The following XIRP2 variants were observed in gnomAD, a reference collection of about 807,000 sequenced individuals.
XIRP2 encodes xin actin binding repeat containing 2.
In XIRP2, 236 loss-of-function variants were observed where a neutral mutation model predicts 277.0. The observed-to-expected ratio is 0.85, with a 90% CI of 0.77 to 0.95. XIRP2 has a LOEUF of 0.95. XIRP2 is among the 40% of genes least tolerant of loss of function. XIRP2 has a pLI of 0.00. For missense variants in XIRP2, 4,640 were observed against 4,157.5 expected (o/e 1.12, Z -3.19); for synonymous variants, 1,490 against 1,416.5 (o/e 1.05, Z -1.17).
At position 167,037,989 on chromosome 2, in the gene XIRP2, C is replaced by T. The variant is rs201351927; in HGVS notation, c.409-97920C>T. On this transcript the variant is annotated intron_variant, in intron 2 of 10. Coordinates refer to ENST00000409195, the MANE Select transcript of XIRP2 (RefSeq NM_152381.6). ...GAAAAAAGGCAAGAAAAGTTAAATTCGAATAGTACTAAATGAAAGCTAAAG... is the reference window on the plus strand; with the variant it reads ...GAAAAAAGGCAAGAAAAGTTAAATTTGAATAGTACTAAATGAAAGCTAAAG... Among the ~76,000 whole-genome samples, 97 of 151,780 alleles carry T rather than the reference C, an allele frequency of 6.4e-4. No homozygotes were observed. The East Asian group carries it at 0.014, about 22-fold the overall frequency.
chr2:166,974,508 C>CAT (rs913907366), intron 2 of XIRP2, among the ~76,000 whole-genome samples: 11 of 151,606 alleles, frequency 7.3e-5, no homozygotes, highest in South Asian at 2.1e-4. Context: ...CACATATATA[C>CAT]ATATATATAT....
intron 2 of XIRP2, among the ~76,000 whole-genome samples, chr2:167,118,861 G>T (rs75002149): frequency 0.04 from 6,143 of 152,240 alleles, 167 homozygotes; most frequent in South Asian, 0.082. Flanking sequence ...TATCCATACT[G>T]AAAAAGGACT....
intron 3 of XIRP2, among the ~76,000 whole-genome samples, chr2:167,206,187 G>C (rs550313283): frequency 6.6e-6 from 1 of 152,124 alleles, no homozygotes; most frequent in East Asian, 1.9e-4. Context: ...CCAATGTGTT[G>C]GTATGTTTAA....
intron 2 of XIRP2, among the ~76,000 whole-genome samples, chr2:167,097,711 TG>T (rs1558979301): frequency 2.0e-5 from 3 of 152,240 alleles, no homozygotes; most frequent in African/African-American, 7.2e-5. Flanking sequence ...TTTCCATATT[TG>T]TTGCTTCCTT....
chr2:167,187,332 G>C, intron 3 of XIRP2: 1 of 985,258 alleles, frequency 1.0e-6, no homozygotes, highest in Non-Finnish European at 1.2e-6. Flanking sequence ...TCCTTTAGAC[G>C]CTCTGCTAAA....
intron 2 of XIRP2, among the ~76,000 whole-genome samples, chr2:167,063,679 T>G (rs1186645596): frequency 1.3e-5 from 2 of 151,892 alleles, no homozygotes; most frequent in Non-Finnish European, 2.9e-5. Flanking sequence ...ATATAATGTT[T>G]CACTTTACCC....
intron 2 of XIRP2, among the ~76,000 whole-genome samples, chr2:167,098,166 C>T (rs1457270001): frequency 6.6e-6 from 1 of 152,204 alleles, no homozygotes; most frequent in Non-Finnish European, 1.5e-5. Flanking sequence ...CCATTCTTCC[C>T]ATCACTTTCA....
intron 2 of XIRP2, among the ~76,000 whole-genome samples, chr2:167,069,009 T>TAA (rs1018729748): frequency 2.6e-5 from 4 of 152,172 alleles, no homozygotes; most frequent in Non-Finnish European, 4.4e-5. Flanking sequence ...AGTTGGCAGT[T>TAA]ATAGTTGTCC....
intron 2 of XIRP2, among the ~76,000 whole-genome samples, chr2:166,960,064 A>T (rs1686262880): frequency 6.6e-6 from 1 of 151,776 alleles, no homozygotes; most frequent in African/African-American, 2.4e-5. Context: ...CCGTAGCTAA[A>T]CTTACTATTT....
At chr2:167,102,221 T>C (rs930150085) in intron 2 of XIRP2, among the ~76,000 whole-genome samples, 1 of 152,172 alleles carries the variant, frequency 6.6e-6, no homozygotes, top group African/African-American at 2.4e-5. Context: ...AGAAACAGCA[T>C]TGTTAGAATC....
intron 2 of XIRP2, among the ~76,000 whole-genome samples, chr2:167,107,107 GT>G (rs1690637995): frequency 6.6e-6 from 1 of 151,690 alleles, no homozygotes; most frequent in Non-Finnish European, 1.5e-5. Context: ...AATTGGAAGA[GT>G]TTTATTCTTT....
At chr2:166,939,192 G>T (rs1000294334) in intron 2 of XIRP2, among the ~76,000 whole-genome samples, 1 of 152,122 alleles carries the variant, frequency 6.6e-6, no homozygotes, top group Non-Finnish European at 1.5e-5. Flanking sequence ...AGCATCGATG[G>T]TCTTTACAAT....
At chr2:167,052,960 G>A (rs1049185008) in intron 2 of XIRP2, among the ~76,000 whole-genome samples, 5 of 152,162 alleles carry the variant, frequency 3.3e-5, no homozygotes, top group African/African-American at 1.2e-4. Context: ...CTTTCTGTTG[G>A]TAATGCCTTG....
At position 167,029,880 on chromosome 2, in the gene XIRP2, A is replaced by G. The variant is rs534158153; in HGVS notation, c.409-106029A>G. Among the ~76,000 whole-genome samples the G allele has an allele frequency of 6.8e-4, 103 of 152,208 alleles. 1 individual carries two copies. Among genetic ancestry groups the G allele is most frequent in the African/African-American group, 2.4e-3 (101 of 41,542 alleles). On this transcript the variant is annotated intron_variant, in intron 2 of 10. Transcript: ENST00000409195. ...GGCTATTAATTACTGCCTCAATTTC[A>G]GGACTTGTTATTCATCAGTTCAGGG...
At chr2:167,181,300 T>C (rs1300778771) in intron 3 of XIRP2, among the ~76,000 whole-genome samples, 5 of 152,140 alleles carry the variant, frequency 3.3e-5, no homozygotes, top group Non-Finnish European at 4.4e-5. Flanking sequence ...CTCTATTATT[T>C]GGGGAAACTA....
rs765113725 is a variant in XIRP2 at position 167,246,502 on chromosome 2, G to T, written c.5110G>T (p.Glu1704Ter). 2 of 1,613,652 alleles carry T rather than the reference G, an allele frequency of 1.2e-6. No individual in the cohort carries two copies. The highest frequency in any genetic ancestry group is 3.3e-5 in the Admixed American group (2 of 59,962). The change falls in exon 9 of 11, where the codon GAG becomes TAG. Residue 1704 changes from glutamate (E) to a stop codon, truncating the protein, a stop_gained. Coordinates refer to ENST00000409195, the MANE Select transcript of XIRP2 (RefSeq NM_152381.6). LOFTEE classifies it high-confidence loss of function. ...TCATGAAAATGATGGTGACACAATT[G>T]AGCGTGAAGAAGTAATAGGTGGTGA... ...LLHENDGDTI[E>*]REEVIGGDVK...
chr2:167,149,887 C>T (rs1402390737), intron 3 of XIRP2, among the ~76,000 whole-genome samples: 2 of 151,548 alleles, frequency 1.3e-5, no homozygotes, highest in Non-Finnish European at 2.9e-5. Context: ...ATATTAATAT[C>T]CAGGATATGT....
At chr2:167,221,814 TA>T (rs1446162658) in intron 5 of XIRP2, among the ~76,000 whole-genome samples, 1 of 152,192 alleles carries the variant, frequency 6.6e-6, no homozygotes, top group Non-Finnish European at 1.5e-5. Flanking sequence ...AAAAAATATT[TA>T]TTTTTTTGAC....
chr2:167,153,871 A>C (rs1307908843), intron 3 of XIRP2, among the ~76,000 whole-genome samples: 1 of 151,070 alleles, frequency 6.6e-6, no homozygotes, highest in African/African-American at 2.4e-5. Flanking sequence ...ATAAACATAC[A>C]TGTGCATGTG....
Sources: allele counts gnomAD v4.1 joint callset (sites outside exome capture counted in the v4.1 genomes callset), GRCh38; gene constraint gnomAD v4.1.1; transcripts MANE v1.5; gene names NCBI Gene and HGNC (gene_info 2026-07-23, HGNC 2026-07-21).